Variants in AGFG1 observed in about 807,000 individuals in gnomAD.
AGFG1 encodes arf-GAP domain and FG repeat-containing protein 1.
A neutral mutation model predicts 60.6 loss-of-function variants in AGFG1; 10 were observed. That is an observed-to-expected ratio of 0.16 (90% CI 0.10 to 0.28). AGFG1 has a LOEUF of 0.28. AGFG1 is among the 10% of genes least tolerant of loss of function. AGFG1 has a pLI of 1.00. For missense variants in AGFG1, 537 were observed against 676.5 expected (o/e 0.79, Z 2.29); for synonymous variants, 247 against 242.9 (o/e 1.02, Z -0.16).
chr2:227,477,677 C>T (rs1488586019), intron 1 of AGFG1, among the ~76,000 whole-genome samples: 4 of 151,950 alleles, frequency 2.6e-5, no homozygotes, highest in Admixed American at 6.6e-5. Context: ...GCGATCTCAC[C>T]TCACTGCAAC....
chr2:227,549,132 TTG>T (rs1287178274), intron 10 of AGFG1, among the ~76,000 whole-genome samples: 1 of 152,142 alleles, frequency 6.6e-6, no homozygotes, highest in African/African-American at 2.4e-5. Flanking sequence ...CACAGCAGCT[TTG>T]TGAAGTATAG....
intron 11 of AGFG1, among the ~76,000 whole-genome samples, chr2:227,553,495 C>CAAA (rs5839218): frequency 7.3e-4 from 88 of 120,214 alleles, no homozygotes; most frequent in African/African-American, 1.4e-3. Flanking sequence ...GATCATGTCT[C>CAAA]AAAAAAAAAA....
chr2:227,488,611 A>G (rs1406120224), intron 1 of AGFG1, among the ~76,000 whole-genome samples: 1 of 152,244 alleles, frequency 6.6e-6, no homozygotes, highest in African/African-American at 2.4e-5. Context: ...AGGAAGGAGT[A>G]GAGGCATTTG....
intron 1 of AGFG1, among the ~76,000 whole-genome samples, chr2:227,475,190 A>G (rs1249807955): frequency 1.3e-5 from 2 of 152,232 alleles, no homozygotes; most frequent in Non-Finnish European, 2.9e-5. Context: ...TTAAAGTAAA[A>G]CTATACAGTG....
chr2:227,502,647 T>C (rs1691193852), intron 2 of AGFG1, among the ~76,000 whole-genome samples: 1 of 152,184 alleles, frequency 6.6e-6, no homozygotes, highest in Admixed American at 6.5e-5. Context: ...TTGATATCTT[T>C]TGGCAAGCGG....
intron 6 of AGFG1, among the ~76,000 whole-genome samples, 185 bp from the exon 7 acceptor site, chr2:227,533,364 T>C (rs1252311130): frequency 6.6e-6 from 1 of 152,198 alleles, no homozygotes; most frequent in Non-Finnish European, 1.5e-5. Flanking sequence ...CCAAGGCCTT[T>C]GAAAAATCTA....
At chr2:227,540,865 C>T (rs1484851180) in intron 10 of AGFG1, among the ~76,000 whole-genome samples, 1 of 152,122 alleles carries the variant, frequency 6.6e-6, no homozygotes, top group African/African-American at 2.4e-5. Flanking sequence ...CTGTTGTTTC[C>T]TGACTTTTTA....
At chr2:227,500,835 C>T (rs1431338918) in intron 2 of AGFG1, among the ~76,000 whole-genome samples, 1 of 151,926 alleles carries the variant, frequency 6.6e-6, no homozygotes, top group Non-Finnish European at 1.5e-5. Context: ...TCTTGTTGCC[C>T]AGGCTGGAGT....
At chr2:227,534,799 G>T (rs765312390) in intron 7 of AGFG1, 46 bp from the exon 8 acceptor site, 1 of 1,599,238 alleles carries the variant, frequency 6.3e-7, no homozygotes, top group Non-Finnish European at 8.5e-7. Flanking sequence ...TAAGTTGAAA[G>T]TGTAACTTTA....
intron 2 of AGFG1, chr2:227,508,688 A>AT (rs11464376): frequency 0.47 from 184,096 of 389,234 alleles, 24,393 homozygotes; most frequent in East Asian, 0.54. Flanking sequence ...CACTGTTGGG[A>AT]TTTTTTTTTT....
intron 5 of AGFG1, among the ~76,000 whole-genome samples, chr2:227,527,079 A>G (rs1692017123): frequency 6.6e-6 from 1 of 152,116 alleles, no homozygotes; most frequent in African/African-American, 2.4e-5. Flanking sequence ...TCTCTCCTTA[A>G]TTGTAATAGC....
At position 227,488,404 on chromosome 2, in the gene AGFG1, C is replaced by T. The variant is rs183203473; in HGVS notation, c.168-3143C>T. Among the ~76,000 whole-genome samples the T allele has an allele frequency of 6.7e-4, 102 of 152,268 alleles. 1 individual carries two copies. The highest frequency in any genetic ancestry group is 2.3e-3 in the African/African-American group (94 of 41,556). ...CTCATTGAACAGTTTGAGAAGTATA[C>T]GGGTATAGTTGTTTGCTCCAAAATT... On this transcript the variant is annotated intron_variant, in intron 1 of 12. Transcript: ENST00000310078.
chr2:227,523,565 T>A (rs962823317), intron 3 of AGFG1, among the ~76,000 whole-genome samples, 198 bp from the exon 4 acceptor site: 1 of 152,154 alleles, frequency 6.6e-6, no homozygotes, highest in Non-Finnish European at 1.5e-5. Context: ...TTTCTCTGAG[T>A]ATTTCAAATA....
intron 12 of AGFG1, among the ~76,000 whole-genome samples, 200 bp from the exon 13 acceptor site, chr2:227,554,236 A>G (rs1692903845): frequency 6.6e-6 from 1 of 152,202 alleles, no homozygotes; most frequent in Non-Finnish European, 1.5e-5. Flanking sequence ...AGTACTGGAT[A>G]TGAAAGACGT....
At position 227,533,196 on chromosome 2, in the gene AGFG1, T is replaced by A. The variant is rs139541191; in HGVS notation, c.815-353T>A. Among the ~76,000 whole-genome samples, 5 of 152,274 alleles carry A rather than the reference T, an allele frequency of 3.3e-5. No homozygotes were observed. In the East Asian group the frequency reaches 9.6e-4, roughly 29 times the overall value. ...TCCTAGTAAGATACTTTGCATCTTG[T>A]TTGCAGTCTGTTCAGGGAGAACTAG... is the stretch of plus-strand genomic sequence containing the variant. On this transcript the variant is annotated intron_variant, in intron 6 of 12. Transcript: ENST00000310078.
chr2:227,477,612 G>GT (rs1253891044), intron 1 of AGFG1, among the ~76,000 whole-genome samples: 1 of 151,500 alleles, frequency 6.6e-6, no homozygotes, highest in Non-Finnish European at 1.5e-5. Flanking sequence ...TCTTTTTTTT[G>GT]TTTTTATTTT....
chr2:227,558,779 G>A lies in AGFG1; in HGVS notation c.*4284G>A, dbSNP rs1693051549. ...TTTGTAGCATTTACTAATATTTATG[G>A]TATAAATACTGTCTTCATGGTGATT... On this transcript the variant is annotated 3_prime_UTR_variant, in exon 13 of 13. Coordinates refer to ENST00000310078, the MANE Select transcript of AGFG1 (RefSeq NM_004504.5). 1 of 152,064 alleles carries A rather than the reference G, an allele frequency of 6.6e-6. No homozygotes were observed. The allele number at this position is 152,064 out of a possible 1,614,324, so 9.4% of individuals were successfully genotyped here. A position where few individuals can be genotyped will look rare whatever the true frequency, so the allele number is the denominator to read the frequency against.
At chr2:227,485,674 T>TCC (rs1192033695) in intron 1 of AGFG1, among the ~76,000 whole-genome samples, 1 of 42,518 alleles carries the variant, frequency 2.4e-5, no homozygotes, top group Non-Finnish European at 4.3e-5. Flanking sequence ...AGTTCATTAA[T>TCC]TCTCTCTAGT....
Position 227,533,589 on chromosome 2 carries a change from T to C in AGFG1, c.855T>C (p.Phe285=). ...AASVNANFAH[F]DNFPKSSSAD... Reference sequence around the variant, plus strand: ...CAGTAAATGCTAATTTTGCTCATTTTGATAACTTCCCCAAATCCTCCAGTG... The same window carrying C: ...CAGTAAATGCTAATTTTGCTCATTTCGATAACTTCCCCAAATCCTCCAGTG... Residue 285 remains phenylalanine, a synonymous_variant, in exon 7 of 13, where the codon TTT becomes TTC. Transcript: ENST00000310078. 1.2e-6 allele frequency: 2 copies of C among 1,613,814 alleles called. No individual in the cohort carries two copies. The highest frequency in any genetic ancestry group is 1.7e-6 in the Non-Finnish European group (2 of 1,179,794).
Sources: allele counts gnomAD v4.1 joint callset (sites outside exome capture counted in the v4.1 genomes callset), GRCh38; gene constraint gnomAD v4.1.1; transcripts MANE v1.5; gene names NCBI Gene and HGNC (gene_info 2026-07-23, HGNC 2026-07-21).